The following ATP8A2 variants were observed in gnomAD, a reference collection of about 807,000 sequenced individuals.
ATP8A2 encodes the protein phospholipid-transporting ATPase IB.
A neutral mutation model predicts 165.6 loss-of-function variants in ATP8A2; 100 were observed. That is an observed-to-expected ratio of 0.60 (90% CI 0.51 to 0.71). The LOEUF is 0.71. Among genes scored for constraint, ATP8A2 ranks in the 30% least tolerant of loss-of-function variants. ATP8A2 has a pLI of 0.00. For missense variants in ATP8A2, 1,227 were observed against 1,479.5 expected (o/e 0.83, Z 2.80); for synonymous variants, 543 against 548.8 (o/e 0.99, Z 0.15).
intron 6 of ATP8A2, among the ~76,000 whole-genome samples, 198 bp downstream of exon 6, chr13:25,533,511 C>T (rs1318934201): frequency 2.0e-5 from 3 of 152,232 alleles, no homozygotes; most frequent in Non-Finnish European, 4.4e-5. Flanking sequence ...CTATGAACTT[C>T]ATCGCTCCTG....
At chr13:25,836,624 C>T (rs111790492) in intron 28 of ATP8A2, among the ~76,000 whole-genome samples, 16 of 152,258 alleles carry the variant, frequency 1.1e-4, no homozygotes, top group Middle Eastern at 3.4e-3. Context: ...CAGTAGATGG[C>T]GTTCCTGGAG....
chr13:25,653,865 G>T (rs1463385546), intron 24 of ATP8A2, among the ~76,000 whole-genome samples: 6 of 152,126 alleles, frequency 3.9e-5, no homozygotes, highest in Admixed American at 3.3e-4. Flanking sequence ...TCAGGATAGA[G>T]GGTAAGGGTT....
At chr13:25,802,407 T>TA (rs947290388) in intron 27 of ATP8A2, among the ~76,000 whole-genome samples, 3 of 151,994 alleles carry the variant, frequency 2.0e-5, no homozygotes, top group Non-Finnish European at 4.4e-5. Context: ...TGGCCAACTT[T>TA]AAAAAAAATT....
rs531799566 is a variant in ATP8A2, at chr13:25,653,199, G to A, written c.2212-45974G>A. Among the ~76,000 whole-genome samples, 48 of 152,240 alleles carry A rather than the reference G, an allele frequency of 3.2e-4. No individual in the cohort carries two copies. In the Middle Eastern group the frequency reaches 0.024, roughly 76 times the overall value. On this transcript the variant is annotated intron_variant, in intron 24 of 36. Coordinates refer to ENST00000381655, the MANE Select transcript of ATP8A2 (RefSeq NM_016529.6). Reference sequence around the variant, plus strand: ...ATGGCTAGCCAGTTATCCCAGCACCGTTTATTGAATAGGGAGTCCTTTCCA... The same window carrying A: ...ATGGCTAGCCAGTTATCCCAGCACCATTTATTGAATAGGGAGTCCTTTCCA...
intron 30 of ATP8A2, among the ~76,000 whole-genome samples, chr13:25,859,373 G>T (rs1400066605): frequency 6.6e-6 from 1 of 152,128 alleles, no homozygotes; most frequent in Non-Finnish European, 1.5e-5. Flanking sequence ...AAAGTTGGAA[G>T]AAGTTGAAAG....
At chr13:25,992,051 AAAGTGT>A (rs1956407032) in intron 35 of ATP8A2, among the ~76,000 whole-genome samples, 1 of 151,890 alleles carries the variant, frequency 6.6e-6, no homozygotes, top group Non-Finnish European at 1.5e-5. Flanking sequence ...TCACCATTTT[AAAGTGT>A]ATAATTCAGT....
At chr13:25,391,511 G>T (rs770684767) in intron 1 of ATP8A2, among the ~76,000 whole-genome samples, 5 of 152,210 alleles carry the variant, frequency 3.3e-5, no homozygotes, top group Non-Finnish European at 5.9e-5. Flanking sequence ...TTAGGAATCT[G>T]CTGGGGGAAA....
chr13:25,814,089 A>G (rs1240785059), intron 27 of ATP8A2, among the ~76,000 whole-genome samples: 1 of 66,306 alleles, frequency 1.5e-5, no homozygotes, highest in African/African-American at 6.5e-5. Flanking sequence ...TCATGTGCTC[A>G]CACATACAGA....
At chr13:25,829,668 G>GTATA (rs71080203) in intron 28 of ATP8A2, among the ~76,000 whole-genome samples, 819 of 62,900 alleles carry the variant, frequency 0.013, 28 homozygotes, top group Non-Finnish European at 0.015. Context: ...GACAGGTGTG[G>GTATA]TATATATATA....
intron 24 of ATP8A2, among the ~76,000 whole-genome samples, chr13:25,613,375 A>T (rs575292838): frequency 6.6e-6 from 1 of 152,260 alleles, no homozygotes; most frequent in South Asian, 2.1e-4. Flanking sequence ...AGAGATCAAG[A>T]CCATCCTGGC....
chr13:26,016,056 G>A (rs540466934), intron 36 of ATP8A2, among the ~76,000 whole-genome samples: 1 of 152,298 alleles, frequency 6.6e-6, no homozygotes, highest in East Asian at 1.9e-4. Flanking sequence ...CTCCCGCCAG[G>A]CCTGGTTTCT....
chr13:25,796,710 C>G (rs989640723), intron 27 of ATP8A2, among the ~76,000 whole-genome samples: 1 of 152,176 alleles, frequency 6.6e-6, no homozygotes, highest in African/African-American at 2.4e-5. Flanking sequence ...TTTTAAACTG[C>G]AAAGATTTTA....
At chr13:25,403,459 A>G (rs1001955178) in intron 1 of ATP8A2, among the ~76,000 whole-genome samples, 1 of 152,210 alleles carries the variant, frequency 6.6e-6, no homozygotes, top group Non-Finnish European at 1.5e-5. Context: ...AAGTACAGCA[A>G]TGTACTGTGC....
chr13:25,864,477 C>T (rs1209283551), intron 33 of ATP8A2, among the ~76,000 whole-genome samples: 1 of 152,102 alleles, frequency 6.6e-6, no homozygotes, highest in Admixed American at 6.5e-5. Flanking sequence ...TTTCACTGTA[C>T]CAGTCACATA....
chr13:25,929,331 G>C (rs1003410238), intron 33 of ATP8A2, among the ~76,000 whole-genome samples: 1 of 152,150 alleles, frequency 6.6e-6, no homozygotes, highest in Non-Finnish European at 1.5e-5. Context: ...TCCTGGAACG[G>C]TGAGGCTGCA....
chr13:25,865,615 G>T (rs1952486573), intron 33 of ATP8A2, among the ~76,000 whole-genome samples: 1 of 152,126 alleles, frequency 6.6e-6, no homozygotes, highest in South Asian at 2.1e-4. Context: ...GAAAGGAAGG[G>T]CTATAGAATT....
chr13:25,790,317 A>G (rs2225034), intron 27 of ATP8A2, among the ~76,000 whole-genome samples: 26,599 of 152,074 alleles, frequency 0.17, 2,481 homozygotes, highest in Middle Eastern at 0.22. Context: ...ATGTTTGCAA[A>G]CTATATAGGT....
chr13:25,609,266 G>C (rs1192230895), intron 24 of ATP8A2, among the ~76,000 whole-genome samples: 1 of 151,764 alleles, frequency 6.6e-6, no homozygotes, highest in Non-Finnish European at 1.5e-5. Context: ...AGAAGTCACA[G>C]GTAGAGCAGT....
chr13:25,476,470 G>A (rs548323912), intron 2 of ATP8A2, among the ~76,000 whole-genome samples: 10 of 152,152 alleles, frequency 6.6e-5, no homozygotes, highest in African/African-American at 2.4e-4. Context: ...TGAATTTTTG[G>A]TAGAGAACGG....
Sources: allele counts gnomAD v4.1 joint callset (sites outside exome capture counted in the v4.1 genomes callset), GRCh38; gene constraint gnomAD v4.1.1; transcripts MANE v1.5; gene names NCBI Gene and HGNC (gene_info 2026-07-23, HGNC 2026-07-21).